Variants in CLPB observed in about 807,000 individuals in gnomAD.
The protein encoded by CLPB is ClpB family mitochondrial disaggregase, also known as mitochondrial disaggregase.
Under a neutral mutation model 78.4 loss-of-function variants are expected in CLPB, and 40 were observed. The observed-to-expected ratio is 0.51, with a 90% CI of 0.40 to 0.66. The LOEUF is 0.66. CLPB is among the 30% of genes least tolerant of loss of function. The probability of loss-of-function intolerance (pLI) is 0.00; values close to 1 mark genes in which losing one functional copy is unlikely to be tolerated. For synonymous variants in CLPB, 333 were observed against 348.0 expected, an observed-to-expected ratio of 0.96 and a Z score of 0.48; for missense variants, 780 against 886.9, an observed-to-expected ratio of 0.88 and a Z score of 1.53.
intron 6 of CLPB, among the ~76,000 whole-genome samples, chr11:72,325,128 T>C (rs1225049339): frequency 6.6e-6 from 1 of 152,170 alleles, no homozygotes; most frequent in Non-Finnish European, 1.5e-5. Context: ...CATCATGGGA[T>C]AGCTCCACAT....
rs77497449 is a variant in CLPB, at chr11:72,416,370, C to T, written c.456-13318G>A. Among the ~76,000 whole-genome samples the T allele has an allele frequency of 9.2e-3, 1,396 of 152,256 alleles. 18 individuals are homozygous for T. The highest frequency in any genetic ancestry group is 0.032 in the African/African-American group (1,338 of 41,530). ...CGCAAGTTCCTTGAAAGACAAAGGT[C>T]ATCATGATACATTTTTCTCCCCCTC... is the stretch of plus-strand genomic sequence containing the variant. On this transcript the variant is annotated intron_variant, in intron 2 of 15. Transcript: ENST00000538039.
At chr11:72,383,102 C>T (rs757468345) in intron 3 of CLPB, among the ~76,000 whole-genome samples, 22 of 151,182 alleles carry the variant, frequency 1.5e-4, no homozygotes, top group African/African-American at 2.2e-4. Context: ...AACAGCAGAA[C>T]TGATCAAGCA....
At position 72,430,333 on chromosome 11, in the gene CLPB, T is replaced by C; in HGVS notation, c.434A>G (p.Asn145Ser). 6.2e-7 allele frequency: 1 copy of C among 1,613,416 alleles called. No homozygotes were observed. The highest frequency in any genetic ancestry group is 8.5e-7 in the Non-Finnish European group (1 of 1,179,892). Residue 145 changes from asparagine (N) to serine (S), a missense_variant, in exon 2 of 16, where the codon AAC (asparagine) becomes AGC (serine). Asn to Ser is a conservative substitution (Grantham distance 46). Transcript: ENST00000538039. The stretch of plus-strand genomic sequence containing the variant: ...TCACCTGCTGACTTCTTGCATATTG[T>C]TGGCACGGGCAGCTTCCAACAGGGC... ...DAALLEAARANNMQEVSRLLS... is the reference protein window; with the variant it reads ...DAALLEAARASNMQEVSRLLS...
chr11:72,425,072 T>C (rs1856332425), intron 2 of CLPB, among the ~76,000 whole-genome samples: 1 of 152,162 alleles, frequency 6.6e-6, no homozygotes, highest in Non-Finnish European at 1.5e-5. Context: ...TGAGATTCTG[T>C]CTCAAAAACA....
chr11:72,323,347 T>C (rs1950076293), intron 6 of CLPB, among the ~76,000 whole-genome samples: 1 of 152,056 alleles, frequency 6.6e-6, no homozygotes, highest in Non-Finnish European at 1.5e-5. Flanking sequence ...GGCGGGCAGA[T>C]CATGAGGTCA....
At chr11:72,316,811 G>A (rs1042770045) in intron 7 of CLPB, among the ~76,000 whole-genome samples, 4 of 152,098 alleles carry the variant, frequency 2.6e-5, no homozygotes, top group African/African-American at 7.2e-5. Context: ...ACCAGATGAC[G>A]GTCAGAGTTA....
chr11:72,302,464 T>C (rs576967241), intron 9 of CLPB, 116 bp from the exon 10 acceptor site: 1 of 853,484 alleles, frequency 1.2e-6, no homozygotes, highest in Non-Finnish European at 2.0e-6. Context: ...CAACATAAGA[T>C]CTTCTATCTC....
In CLPB at chr11:72,293,345, C is replaced by T; in HGVS notation, c.*22G>A. On this transcript the variant is annotated 3_prime_UTR_variant, in exon 16 of 16. Coordinates refer to ENST00000538039, the MANE Select transcript of CLPB (RefSeq NM_001258392.3). ...GGGCCTTTATTGGATGGTGAGGGCA[C>T]ATAGGAGCAGGCAGGTGGCTGCTAG... The T allele has an allele frequency of 6.2e-7, 1 of 1,609,240 alleles. No individual in the cohort carries two copies. The highest frequency in any genetic ancestry group is 8.5e-7 in the Non-Finnish European group (1 of 1,176,600).
intron 7 of CLPB, among the ~76,000 whole-genome samples, 175 bp downstream of exon 7, chr11:72,316,931 T>A (rs1047134007): frequency 1.3e-5 from 2 of 152,230 alleles, no homozygotes; most frequent in African/African-American, 4.8e-5. Flanking sequence ...AGGATTGCCA[T>A]GAGGATTAAA....
chr11:72,308,504 C>A, intron 8 of CLPB, 23 bp downstream of exon 8: 1 of 1,611,088 alleles, frequency 6.2e-7, no homozygotes, highest in Non-Finnish European at 8.5e-7. Flanking sequence ...TCTGTCCCCA[C>A]TGGCTGATCT....
chr11:72,327,200 A>C (rs1210062076), intron 6 of CLPB, among the ~76,000 whole-genome samples: 2 of 152,148 alleles, frequency 1.3e-5, no homozygotes, highest in African/African-American at 4.8e-5. Flanking sequence ...CTGCTGCCCA[A>C]TAAGCCTAGC....
At chr11:72,398,408 T>C (rs548997647) in intron 3 of CLPB, among the ~76,000 whole-genome samples, 3 of 152,256 alleles carry the variant, frequency 2.0e-5, no homozygotes, top group African/African-American at 2.4e-5. Context: ...TACTCAGCCA[T>C]TGTGTCCAGT....
intron 5 of CLPB, among the ~76,000 whole-genome samples, chr11:72,339,417 G>A (rs1195505492): frequency 6.6e-6 from 1 of 152,170 alleles, no homozygotes; most frequent in African/African-American, 2.4e-5. Flanking sequence ...ATGAATCCAA[G>A]GGTAATATTA....
At position 72,333,691 on chromosome 11, in the gene CLPB, G is replaced by A. The variant is rs143650142; in HGVS notation, c.776-3887C>T. ...TCAGTGTGCTGAAGGAGGGACAGGC[G>A]GCACTGGGGGGCTCAGGAAGGAACA... is the stretch of plus-strand genomic sequence containing the variant. On this transcript the variant is annotated intron_variant, in intron 5 of 15. Coordinates refer to ENST00000538039, the MANE Select transcript of CLPB (RefSeq NM_001258392.3). 3.3e-3 allele frequency among the ~76,000 whole-genome samples: 504 copies of A among 152,260 alleles called. 6 individuals carry two copies. The highest frequency in any genetic ancestry group is 0.011 in the African/African-American group (467 of 41,536).
At chr11:72,382,028 C>A (rs1854931761) in intron 3 of CLPB, among the ~76,000 whole-genome samples, 1 of 152,148 alleles carries the variant, frequency 6.6e-6, no homozygotes, top group South Asian at 2.1e-4. Context: ...ACAGACCTAC[C>A]CTCTGGGGCA....
chr11:72,323,596 A>G (rs951269442), intron 6 of CLPB, among the ~76,000 whole-genome samples: 1 of 152,010 alleles, frequency 6.6e-6, no homozygotes, highest in African/African-American at 2.4e-5. Flanking sequence ...CAAGGTCATA[A>G]AAGTCAAGGA....
At chr11:72,320,355 T>C (rs1950023273) in intron 6 of CLPB, among the ~76,000 whole-genome samples, 1 of 152,200 alleles carries the variant, frequency 6.6e-6, no homozygotes, top group Non-Finnish European at 1.5e-5. Context: ...TTGGTATTCC[T>C]GTTTATTTCT....
At chr11:72,367,356 G>A (rs1477922366) in intron 4 of CLPB, among the ~76,000 whole-genome samples, 1 of 152,158 alleles carries the variant, frequency 6.6e-6, no homozygotes, top group Non-Finnish European at 1.5e-5. Flanking sequence ...TAGAGTTGGG[G>A]TTTCGCCATG....
In CLPB at chr11:72,306,711, C is replaced by T. The variant is rs577105603; in HGVS notation, c.1122+488G>A. Among the ~76,000 whole-genome samples, 63 of 152,340 alleles carry T rather than the reference C, an allele frequency of 4.1e-4. 1 individual carries two copies. Among genetic ancestry groups the T allele is most frequent in the African/African-American group, 1.4e-3 (60 of 41,588 alleles). Reference sequence around the variant, plus strand: ...TGCAGGATAGTGAGAGGCAACAAGGCATCCTCTTATTCCCACTTGTTTTCT... The same window carrying T: ...TGCAGGATAGTGAGAGGCAACAAGGTATCCTCTTATTCCCACTTGTTTTCT... On this transcript the variant is annotated intron_variant, in intron 9 of 15. Coordinates refer to ENST00000538039, the MANE Select transcript of CLPB (RefSeq NM_001258392.3).
Sources: allele counts gnomAD v4.1 joint callset (sites outside exome capture counted in the v4.1 genomes callset), GRCh38; gene constraint gnomAD v4.1.1; transcripts MANE v1.5; gene names NCBI Gene and HGNC (gene_info 2026-07-23, HGNC 2026-07-21).